Variants in CPOX observed in about 807,000 individuals in gnomAD.
CPOX encodes the protein coproporphyrinogen oxidase.
CPOX carries 24 observed loss-of-function variants against 48.9 expected under a neutral mutation model. That is an observed-to-expected ratio of 0.49 (90% confidence interval 0.36 to 0.69). CPOX has a LOEUF of 0.69. CPOX is among the 30% of genes least tolerant of loss of function. CPOX has a pLI of 0.00. For synonymous variants in CPOX, 249 were observed against 234.6 expected, an observed-to-expected ratio of 1.06 and a Z score of -0.56; for missense variants, 549 against 597.3, an observed-to-expected ratio of 0.92 and a Z score of 0.84.
intron 3 of CPOX, chr3:98,590,375 C>G: frequency 2.1e-6 from 1 of 478,218 alleles, no homozygotes; most frequent in Non-Finnish European, 3.8e-6. Flanking sequence ...TCTCAAACTC[C>G]TAACCTCAGG....
downstream of CPOX, among the ~76,000 whole-genome samples, chr3:98,576,408 A>G (rs571070282): frequency 5.3e-5 from 8 of 152,278 alleles, no homozygotes; most frequent in East Asian, 1.2e-3. Context: ...TCATGACTCA[A>G]TTACCTCCAC....
Position 98,592,931 on chromosome 3 carries a change from A to G in CPOX, c.556+18T>C, listed in dbSNP as rs1477855265. On this transcript the variant is annotated intron_variant, in intron 1 of 6. Transcript: ENST00000647941. The stretch of plus-strand genomic sequence containing the variant: ...TTTTTCCCTGTCTCCAACTCCCGCC[A>G]GGGGCCGGCCTCCTTACCTTCCTTC... The G allele has an allele frequency of 6.2e-7, 1 of 1,607,086 alleles. No homozygotes were observed. Among genetic ancestry groups the G allele is most frequent in the Admixed American group, 1.7e-5 (1 of 59,274 alleles).
intron 2 of CPOX, 99 bp from the exon 3 acceptor site, chr3:98,590,841 T>G: frequency 8.0e-7 from 1 of 1,242,680 alleles, no homozygotes; most frequent in Admixed American, 1.9e-5. Flanking sequence ...TTTCAAAAGC[T>G]GCTTTTTAAT....
chr3:98,588,385 A>T (rs1707407538), intron 4 of CPOX, among the ~76,000 whole-genome samples: 1 of 152,230 alleles, frequency 6.6e-6, no homozygotes, highest in African/African-American at 2.4e-5. Flanking sequence ...ATCAGGAATA[A>T]TAATTCTCAT....
chr3:98,586,366 C>T (rs1363896660), intron 4 of CPOX, among the ~76,000 whole-genome samples: 1 of 152,162 alleles, frequency 6.6e-6, no homozygotes, highest in South Asian at 2.1e-4. Context: ...CTAACAATGA[C>T]ACCAACCATG....
chr3:98,588,674 G>A, intron 4 of CPOX, 39 bp downstream of exon 4: 8 of 1,611,068 alleles, frequency 5.0e-6, no homozygotes, highest in Non-Finnish European at 6.8e-6. Flanking sequence ...GGAACAGAAT[G>A]TAATTTTGGG....
chr3:98,587,528 A>C (rs1707386792), intron 4 of CPOX, among the ~76,000 whole-genome samples: 1 of 149,664 alleles, frequency 6.7e-6, no homozygotes, highest in Non-Finnish European at 1.5e-5. Context: ...GAGGCAGTGC[A>C]CAACATCACA....
rs868543011 is a variant in CPOX at position 98,579,797 on chromosome 3, C to T, written c.*886G>A. 3.5e-5 allele frequency: 34 copies of T among 985,220 alleles called. No homozygotes were observed. The highest frequency in any genetic ancestry group is 4.0e-5 in the Non-Finnish European group (33 of 829,490). 61.0% of individuals were successfully genotyped at this position (985,220 alleles called of 1,614,324 possible). A position where few individuals can be genotyped will look rare whatever the true frequency, so the allele number is the denominator to read the frequency against. On this transcript the variant is annotated 3_prime_UTR_variant, in exon 7 of 7. Transcript: ENST00000647941. ...CTCCAAGTTTCTCATACTATATATA[C>T]TTGCTTTAAAGAAGGAAATTATTTC...
chr3:98,585,338 C>T, intron 5 of CPOX, 103 bp downstream of exon 5: 1 of 899,692 alleles, frequency 1.1e-6, no homozygotes, highest in Non-Finnish European at 1.9e-6. Flanking sequence ...AAGAAATTAA[C>T]ACAACTATTA....
rs771228535 is a variant in CPOX at position 98,585,441 on chromosome 3, C to T, written c.1172G>A (p.Arg391Gln). The change falls in exon 5 of 7, where the codon CGG becomes CAG. Residue 391 changes from arginine to glutamine, a missense_variant and splice_region_variant. Physicochemically the swap from Arg to Gln is conservative, Grantham distance 43. Coordinates refer to ENST00000647941, the MANE Select transcript of CPOX (RefSeq NM_000097.7). ...AAGAATTCGTTTTCCAGTCACTTACCGTCCTCTTCTGAGCTGCTGCCACAG... is the reference window on the plus strand; with the variant it reads ...AAGAATTCGTTTTCCAGTCACTTACTGTCCTCTTCTGAGCTGCTGCCACAG... ...EKLWQQLRRG[R>Q]YVEFNLLYDR... 3.7e-6 allele frequency: 6 copies of T among 1,613,346 alleles called. No homozygotes were observed. Among genetic ancestry groups the T allele is most frequent in the East Asian group, 2.2e-5 (1 of 44,872 alleles).
rs1038986210 is a variant in CPOX, at chr3:98,593,417, A to C, written c.88T>G (p.Cys30Gly). The C allele has an allele frequency of 5.5e-6, 8 of 1,454,454 alleles. No homozygotes were observed. Among genetic ancestry groups the C allele is most frequent in the Non-Finnish European group, 7.2e-6 (8 of 1,111,384 alleles). The allele number at this position is 1,454,454 out of a possible 1,614,324, so 90.1% of individuals were successfully genotyped here. The change falls in exon 1 of 7, where the codon TGC becomes GGC. Residue 30 changes from cysteine (C) to glycine (G), a missense_variant. By Grantham distance (159) the Cys-to-Gly change is radical. Coordinates refer to ENST00000647941, the MANE Select transcript of CPOX (RefSeq NM_000097.7). ...CAGGCTCGGAGCCCTCCGCCGCCGC[A>C]CTGGGACCAGGCGCGGGGCCCTCCG... The part of the protein sequence containing the change: ...GCGGPRAWSQ[C>G]GGGGLRAWSQ...
chr3:98,593,283 C>CA lies in CPOX; in HGVS notation c.221dup (p.Thr76AspfsTer29). ...CCAGCGCCGCGGCCAGCCCTGTCCCCACCCAGGGGCCGCCTCTCGACGTCG... is the reference window on the plus strand; with the variant it reads ...CCAGCGCCGCGGCCAGCCCTGTCCCCAACCCAGGGGCCGCCTCTCGACGTCG... On this transcript the variant is annotated frameshift_variant, in exon 1 of 7. Transcript: ENST00000647941. LOFTEE classifies it high-confidence loss of function. 6 of 1,461,154 alleles carry CA rather than the reference C, an allele frequency of 4.1e-6. No individual in the cohort carries two copies. The highest frequency in any genetic ancestry group is 5.4e-6 in the Non-Finnish European group (6 of 1,114,648). 90.5% of individuals were successfully genotyped at this position (1,461,154 alleles called of 1,614,324 possible).
In CPOX at chr3:98,593,268, G is replaced by T. The variant is rs933913356; in HGVS notation, c.237C>A (p.Ala79=). Residue 79 remains alanine, a synonymous_variant, in exon 1 of 7, where the codon GCC becomes GCA. Transcript: ENST00000647941. ...RGGPWVGTGL[A]AALAGLVGLA... is the part of the protein sequence containing the mutation. ...GCCCCACCAACCCCGCCAGCGCCGCGGCCAGCCCTGTCCCCACCCAGGGGC... is the reference window on the plus strand; with the variant it reads ...GCCCCACCAACCCCGCCAGCGCCGCTGCCAGCCCTGTCCCCACCCAGGGGC... 28 of 1,502,464 alleles carry T rather than the reference G, an allele frequency of 1.9e-5. No individual in the cohort carries two copies. The highest frequency in any genetic ancestry group is 2.5e-5 in the Non-Finnish European group (28 of 1,131,304). The allele number at this position is 1,502,464 out of a possible 1,614,324, so 93.1% of individuals were successfully genotyped here.
chr3:98,588,956 A>C (rs1051746625), intron 3 of CPOX, 102 bp from the exon 4 acceptor site: 5 of 1,333,880 alleles, frequency 3.7e-6, no homozygotes, highest in African/African-American at 1.5e-5. Flanking sequence ...TTCAGCATAA[A>C]ATGGATGACA....
At chr3:98,576,179 T>A (rs1398852870), downstream of CPOX, among the ~76,000 whole-genome samples, 1 of 151,296 alleles carries the variant, frequency 6.6e-6, no homozygotes, top group Non-Finnish European at 1.5e-5. Context: ...GAATAATTTA[T>A]AAAGGAAAGA....
chr3:98,590,570 T>C (rs1229316897), intron 3 of CPOX, 62 bp downstream of exon 3: 2 of 1,135,628 alleles, frequency 1.8e-6, no homozygotes, highest in African/African-American at 1.5e-5. Context: ...TTATGCCCTC[T>C]TATCTGTTTT....
At chr3:98,587,115 C>T (rs1419233354) in intron 4 of CPOX, among the ~76,000 whole-genome samples, 1 of 152,064 alleles carries the variant, frequency 6.6e-6, no homozygotes, top group African/African-American at 2.4e-5. Flanking sequence ...AAAAGGTTAC[C>T]TTAAATACAG....
At chr3:98,581,375 G>T in intron 6 of CPOX, 32 bp downstream of exon 6, 1 of 1,464,890 alleles carries the variant, frequency 6.8e-7, no homozygotes, top group South Asian at 1.1e-5. Flanking sequence ...TGGGAGTGTA[G>T]GGATAACTAC....
chr3:98,590,881 G>C (rs1264079961), intron 2 of CPOX, 131 bp downstream of exon 2: 2 of 1,263,676 alleles, frequency 1.6e-6, no homozygotes, highest in Non-Finnish European at 2.3e-6. Flanking sequence ...TTTTAAAAAA[G>C]TATTTGTCAA....
Sources: gnomAD v4.1 joint callset for allele counts (sites outside exome capture counted in the v4.1 genomes callset) on GRCh38, gnomAD v4.1.1 for gene constraint, MANE v1.5 for transcripts, NCBI Gene and HGNC (gene_info 2026-07-23, HGNC 2026-07-21) for gene names.